The following DLGAP4 variants were observed in gnomAD, a reference collection of about 807,000 sequenced individuals.
DLGAP4 encodes the protein DLG associated protein 4, also known as disks large-associated protein 4.
Under a neutral mutation model 86.9 loss-of-function variants are expected in DLGAP4, and 18 were observed. The ratio of observed to expected loss-of-function variants is 0.21; its 90% CI spans 0.14 to 0.31. The LOEUF is 0.31. Ranked by LOEUF, DLGAP4 falls within the 10% of genes least tolerant of loss-of-function variation. The pLI, the probability that DLGAP4 is intolerant of heterozygous loss-of-function variation, is 1.00. For missense variants in DLGAP4, 1,085 were observed against 1,362.6 expected (o/e 0.80, Z 3.21); for synonymous variants, 548 against 574.3 (o/e 0.95, Z 0.65).
intron 1 of DLGAP4, among the ~76,000 whole-genome samples, chr20:36,366,530 C>T (rs1031466725): frequency 2.0e-5 from 3 of 152,206 alleles, no homozygotes; most frequent in South Asian, 4.1e-4. Context: ...ATTTCACCTG[C>T]ACTGTCTTCT....
intron 2 of DLGAP4, among the ~76,000 whole-genome samples, chr20:36,390,940 T>C (rs1215623722): frequency 2.6e-5 from 4 of 151,950 alleles, no homozygotes; most frequent in Non-Finnish European, 5.9e-5. Context: ...GACCTGACCT[T>C]GATCCAAGAC....
chr20:36,497,205 G>A, intron 8 of DLGAP4, 139 bp downstream of exon 8: 1 of 1,453,660 alleles, frequency 6.9e-7, no homozygotes, highest in Non-Finnish European at 9.0e-7. Flanking sequence ...GCCCCAAGTG[G>A]CCAAACCGAA....
chr20:36,526,757 C>T, intron 12 of DLGAP4, 56 bp from the exon 13 acceptor site: 1 of 1,491,668 alleles, frequency 6.7e-7, no homozygotes, highest in Non-Finnish European at 9.0e-7. Context: ...GGTAGTGCCA[C>T]ACAAAACGTG....
intron 1 of DLGAP4, among the ~76,000 whole-genome samples, chr20:36,321,099 G>A (rs536813534): frequency 2.3e-4 from 35 of 152,252 alleles, no homozygotes; most frequent in Non-Finnish European, 3.7e-4. Flanking sequence ...GCAGGTACCC[G>A]CATGGCAGCA....
At chr20:36,397,521 A>G (rs2032035251) in intron 2 of DLGAP4, among the ~76,000 whole-genome samples, 1 of 151,664 alleles carries the variant, frequency 6.6e-6, no homozygotes, top group Non-Finnish European at 1.5e-5. Flanking sequence ...TTCTTTTCTA[A>G]CTTTTGGAGT....
chr20:36,311,825 C>T (rs1405704072), intron 1 of DLGAP4, among the ~76,000 whole-genome samples: 2 of 152,160 alleles, frequency 1.3e-5, no homozygotes, highest in African/African-American at 4.8e-5. Context: ...AGACAGAGGC[C>T]GGGCTTTGGA....
intron 8 of DLGAP4, 199 bp from the exon 9 acceptor site, chr20:36,499,389 G>A (rs1209105695): frequency 3.5e-5 from 32 of 902,322 alleles, no homozygotes; most frequent in Middle Eastern, 9.8e-4. Context: ...CCGCCTGCCC[G>A]CCTCCACGCG....
rs1313667136 is a variant in DLGAP4, at chr20:36,432,289, G to T, written c.572G>T (p.Gly191Val). ...AAAAGCAAGGAGCGGGCCAAGGCTG[G>T]GGAGCCCAAACGGCGCAGCCGCTCC... is the stretch of plus-strand genomic sequence containing the variant. Reference protein sequence around the residue: ...RAKSKERAKAGEPKRRSRSNI... With the variant: ...RAKSKERAKAVEPKRRSRSNI... The change falls in exon 3 of 13, where the codon GGG (glycine) becomes GTG (valine). Residue 191 changes from glycine (G) to valine (V), a missense_variant. By Grantham distance (109) the Gly-to-Val change is moderately radical (BLOSUM62 -3). Coordinates refer to ENST00000339266, the MANE Select transcript of DLGAP4 (RefSeq NM_001365621.2). This position sits in a 1 kb window ranked among gnomAD's most constrained non-coding sequence, Gnocchi z 6.5. The T allele has an allele frequency of 1.2e-6, 2 of 1,613,642 alleles. No individual in the cohort carries two copies. Among genetic ancestry groups the T allele is most frequent in the Non-Finnish European group, 1.7e-6 (2 of 1,179,876 alleles).
chr20:36,330,639 C>T (rs1250535789), intron 1 of DLGAP4, among the ~76,000 whole-genome samples: 1 of 147,394 alleles, frequency 6.8e-6, no homozygotes, highest in Non-Finnish European at 1.5e-5. Flanking sequence ...GTGGTGTGAT[C>T]TCGGCTCACT....
intron 10 of DLGAP4, among the ~76,000 whole-genome samples, chr20:36,517,992 A>G (rs902311352): frequency 6.6e-5 from 10 of 152,184 alleles, no homozygotes; most frequent in Admixed American, 2.0e-4. Flanking sequence ...TGGGAGGCCA[A>G]GGTGGACAGC....
chr20:36,469,752 C>CA (rs529690960), intron 7 of DLGAP4, among the ~76,000 whole-genome samples: 8,268 of 81,662 alleles, frequency 0.1, 985 homozygotes, highest in African/African-American at 0.3. Flanking sequence ...GACTCTGTCT[C>CA]AAAAAAAAAA....
intron 2 of DLGAP4, among the ~76,000 whole-genome samples, chr20:36,377,758 G>A (rs1600454600): frequency 1.3e-5 from 2 of 152,258 alleles, no homozygotes; most frequent in Non-Finnish European, 1.5e-5. Flanking sequence ...TTGGGGCGGC[G>A]GATGCCATCC....
intron 7 of DLGAP4, among the ~76,000 whole-genome samples, chr20:36,459,268 A>G (rs1034813730): frequency 6.6e-6 from 1 of 152,252 alleles, no homozygotes; most frequent in African/African-American, 2.4e-5. Context: ...AAGCATCACC[A>G]TCAGAAGGGA....
intron 8 of DLGAP4, chr20:36,499,222 T>TC (rs759429345): frequency 8.2e-6 from 13 of 1,588,528 alleles, no homozygotes; most frequent in South Asian, 5.7e-5. Context: ...TTTTTTTTTT[T>TC]CTCTCTGATG....
chr20:36,331,774 G>A (rs1229871676), intron 1 of DLGAP4, among the ~76,000 whole-genome samples: 1 of 152,218 alleles, frequency 6.6e-6, no homozygotes, highest in East Asian at 1.9e-4. Context: ...TAAATGCTGT[G>A]ATGGAGAGCA....
chr20:36,491,630 C>T (rs1034746218), intron 7 of DLGAP4, among the ~76,000 whole-genome samples: 1 of 151,090 alleles, frequency 6.6e-6, no homozygotes, highest in African/African-American at 2.4e-5. Context: ...TTCTCTGAAG[C>T]TGGAAGGGGT....
intron 1 of DLGAP4, among the ~76,000 whole-genome samples, chr20:36,332,620 C>T (rs2065281274): frequency 2.0e-5 from 3 of 152,110 alleles, no homozygotes; most frequent in South Asian, 2.1e-4. Context: ...AAACTCCTAA[C>T]CTCAAGTGAT....
chr20:36,343,030 G>A (rs1387282414), intron 1 of DLGAP4, among the ~76,000 whole-genome samples: 1 of 152,152 alleles, frequency 6.6e-6, no homozygotes, highest in African/African-American at 2.4e-5. Flanking sequence ...GAGGGGAGAG[G>A]GAGAGGATGC....
chr20:36,423,579 A>G (rs1250706445), intron 2 of DLGAP4, among the ~76,000 whole-genome samples: 2 of 151,836 alleles, frequency 1.3e-5, no homozygotes, highest in African/African-American at 4.8e-5. Context: ...CAAGAAGCAC[A>G]GTATAGTGAG....
Sources: allele counts gnomAD v4.1 joint callset (sites outside exome capture counted in the v4.1 genomes callset), GRCh38; gene constraint gnomAD v4.1.1; non-coding constraint Gnocchi (gnomAD v3.1); transcripts MANE v1.5; gene names NCBI Gene and HGNC (gene_info 2026-07-23, HGNC 2026-07-21).